The following EHD1 variants were observed in gnomAD, a reference collection of about 807,000 sequenced individuals.
The protein encoded by EHD1 is EH domain-containing protein 1.
A neutral mutation model predicts 39.0 loss-of-function variants in EHD1; 19 were observed. That is an observed-to-expected ratio of 0.49 (90% confidence interval 0.34 to 0.72). EHD1 has a LOEUF of 0.72. Among genes scored for constraint, EHD1 ranks in the 30% least tolerant of loss-of-function variants. The pLI, the probability that EHD1 is intolerant of heterozygous loss-of-function variation, is 0.01. For missense variants in EHD1, 542 were observed against 751.5 expected, an observed-to-expected ratio of 0.72 and a Z score of 3.26; for synonymous variants, 323 against 331.2, an observed-to-expected ratio of 0.98 and a Z score of 0.27.
In EHD1 at chr11:64,854,411, C is replaced by T. The variant is rs754018251; in HGVS notation, c.1527G>A (p.Lys509=). The change falls in exon 5 of 5, where the codon AAG becomes AAA. Residue 509 remains lysine (K), a synonymous_variant. Coordinates refer to ENST00000320631, the MANE Select transcript of EHD1 (RefSeq NM_006795.4). ...EEFALANHLI[K]VKLEGHELPA... ...GCAGCTCGTGGCCCTCCAGCTTGAC[C>T]TTGATGAGGTGGTTGGCCAGCGCGA... is the stretch of plus-strand genomic sequence containing the variant. 27 of 1,613,924 alleles carry T rather than the reference C, an allele frequency of 1.7e-5. No individual in the cohort carries two copies. Among genetic ancestry groups the T allele is most frequent in the Non-Finnish European group, 2.2e-5 (26 of 1,179,970 alleles).
At chr11:64,877,973 G>T in intron 1 of EHD1, 88 bp downstream of exon 1, 2 of 1,351,440 alleles carry the variant, frequency 1.5e-6, no homozygotes, top group Admixed American at 2.9e-5. Context: ...ACAAAGGACG[G>T]CGGGGCGACA....
At chr11:64,855,281 T>C in intron 4 of EHD1, 41 bp downstream of exon 4, 3 of 1,604,256 alleles carry the variant, frequency 1.9e-6, no homozygotes, top group Non-Finnish European at 2.6e-6. Context: ...CCTTCTGCCC[T>C]GATGGCCACC....
intron 2 of EHD1, among the ~76,000 whole-genome samples, chr11:64,870,023 G>A (rs1409805561): frequency 6.6e-6 from 1 of 152,208 alleles, no homozygotes; most frequent in South Asian, 2.1e-4. Flanking sequence ...GAGGGCAAAC[G>A]AGAGCCCAGG....
At chr11:64,878,631 C>G, upstream of EHD1, 1 of 1,408,722 alleles carries the variant, frequency 7.1e-7, no homozygotes, top group South Asian at 1.5e-5. Context: ...TGCTGCGCAC[C>G]CCTCGCGGAG....
Position 64,854,603 on chromosome 11 carries a change from C to T in EHD1, c.1335G>A (p.Lys445=). The T allele has an allele frequency of 6.2e-7, 1 of 1,614,018 alleles. No homozygotes were observed. Among genetic ancestry groups the T allele is most frequent in the Non-Finnish European group, 8.5e-7 (1 of 1,179,974 alleles). Reference sequence around the variant, plus strand: ...TGTAGAAGATCTCGTCGTAGGTGGGCTTGTCCTTGCCCACCACCCACTCCA... The same window carrying T: ...TGTAGAAGATCTCGTCGTAGGTGGGTTTGTCCTTGCCCACCACCCACTCCA... ...DDVEWVVGKD[K]PTYDEIFYTL... is the part of the protein sequence containing the mutation. The change falls in exon 5 of 5, where the codon AAG becomes AAA. Residue 445 remains lysine, a synonymous_variant. Transcript: ENST00000320631.
chr11:64,875,875 C>T (rs1042680178), intron 1 of EHD1, among the ~76,000 whole-genome samples: 2 of 152,240 alleles, frequency 1.3e-5, no homozygotes, highest in East Asian at 1.9e-4. Context: ...GGACAGGAGG[C>T]GCTGGAGAGA....
upstream of EHD1, chr11:64,878,697 G>C (rs1943919463): frequency 7.4e-7 from 1 of 1,355,126 alleles, no homozygotes; most frequent in Non-Finnish European, 9.4e-7. Flanking sequence ...GGCGGGGGCA[G>C]GGCGGAATTG....
Position 64,854,329 on chromosome 11 carries a change from G to A in EHD1, c.*4C>T, listed in dbSNP as rs749381158. The A allele has an allele frequency of 1.3e-5, 20 of 1,597,780 alleles. No individual in the cohort carries two copies. The highest frequency in any genetic ancestry group is 2.2e-5 in the East Asian group (1 of 44,566). Reference sequence around the variant, plus strand: ...GCAAATGGCAGGTGCGGGGCCGGGCGCCATCACTCATGTCTGCGCTTGGAG... The same window carrying A: ...GCAAATGGCAGGTGCGGGGCCGGGCACCATCACTCATGTCTGCGCTTGGAG... On this transcript the variant is annotated 3_prime_UTR_variant, in exon 5 of 5. Transcript: ENST00000320631.
chr11:64,866,040 AT>A (rs1409037402), intron 2 of EHD1, among the ~76,000 whole-genome samples: 2 of 152,240 alleles, frequency 1.3e-5, no homozygotes, highest in African/African-American at 2.4e-5. Context: ...TCATTCTGCC[AT>A]AAGGACACAT....
intron 4 of EHD1, chr11:64,855,095 T>C: frequency 2.3e-6 from 2 of 851,448 alleles, no homozygotes; most frequent in South Asian, 1.8e-5. Context: ...GCGCCTGGCA[T>C]GGCCCTGCCC....
chr11:64,858,768 G>A (rs566814479), intron 3 of EHD1, among the ~76,000 whole-genome samples: 55 of 152,280 alleles, frequency 3.6e-4, no homozygotes, highest in African/African-American at 1.2e-3. Flanking sequence ...ATTAACCTTT[G>A]TTTCCTGGCC....
At position 64,855,309 on chromosome 11, in the gene EHD1, G is replaced by C; in HGVS notation, c.1080+13C>G. The C allele has an allele frequency of 6.2e-7, 1 of 1,612,004 alleles. No homozygotes were observed. Among genetic ancestry groups the C allele is most frequent in the Non-Finnish European group, 8.5e-7 (1 of 1,179,320 alleles). On this transcript the variant is annotated intron_variant, in intron 4 of 4. Coordinates refer to ENST00000320631, the MANE Select transcript of EHD1 (RefSeq NM_006795.4). ...TGGCCACCAGCCTGCATGGGGCCTC[G>C]GGACAGCCGTACCTGCATCTTGCGG...
At chr11:64,876,030 G>C (rs772537844) in intron 1 of EHD1, among the ~76,000 whole-genome samples, 38 of 152,340 alleles carry the variant, frequency 2.5e-4, no homozygotes, top group South Asian at 1.0e-3. Flanking sequence ...GTATATGGCA[G>C]AAAACAAGAA....
At chr11:64,871,719 T>C (rs1170333389) in intron 2 of EHD1, among the ~76,000 whole-genome samples, 1 of 152,048 alleles carries the variant, frequency 6.6e-6, no homozygotes, top group Non-Finnish European at 1.5e-5. Flanking sequence ...TGACCTTCTG[T>C]GGATATAGGG....
chr11:64,874,433 G>A lies in EHD1; in HGVS notation c.490C>T (p.Arg164Trp), dbSNP rs745749443. The A allele has an allele frequency of 1.8e-4, 295 of 1,602,140 alleles. No homozygotes were observed. Among genetic ancestry groups the A allele is most frequent in the Non-Finnish European group, 2.5e-4 (288 of 1,174,740 alleles). The change falls in exon 2 of 5, where the codon CGG becomes TGG. Residue 164 changes from arginine (R) to tryptophan (W), a missense_variant. Physicochemically the swap from Arg to Trp is moderately radical, Grantham distance 101. Transcript: ENST00000320631. Reference sequence around the variant, plus strand: ...CACAGCTGTTTACCTCTGCTGATCCGCTGCTTCTCTCCAGACAGGATCCCG... The same window carrying A: ...CACAGCTGTTTACCTCTGCTGATCCACTGCTTCTCTCCAGACAGGATCCCG... ...TPGILSGEKQ[R>W]ISRGYDFAAV...
In EHD1 at chr11:64,854,513, C is replaced by T. The variant is rs556269920; in HGVS notation, c.1425G>A (p.Lys475=). The part of the protein sequence containing the change: ...ANAKKEMVKS[K]LPNTVLGKIW... Reference sequence around the variant, plus strand: ...TCTTCCCTAGCACGGTGTTGGGGAGCTTGGACTTCACCATCTCCTTCTTGG... The same window carrying T: ...TCTTCCCTAGCACGGTGTTGGGGAGTTTGGACTTCACCATCTCCTTCTTGG... Residue 475 remains lysine (K), a synonymous_variant, in exon 5 of 5, where the codon AAG becomes AAA. Transcript: ENST00000320631. 9 of 1,614,144 alleles carry T rather than the reference C, an allele frequency of 5.6e-6. No homozygotes were observed. In the East Asian group the frequency reaches 1.6e-4, roughly 28 times the overall value.
intron 2 of EHD1, among the ~76,000 whole-genome samples, chr11:64,864,780 C>T (rs915324761): frequency 2.0e-5 from 3 of 152,230 alleles, no homozygotes; most frequent in African/African-American, 7.2e-5. Context: ...AATGAGGGCG[C>T]CCTGATGGGC....
At chr11:64,859,755 C>G in intron 3 of EHD1, 169 bp downstream of exon 3, 1 of 954,666 alleles carries the variant, frequency 1.0e-6, no homozygotes, top group Non-Finnish European at 1.5e-6. Flanking sequence ...GCAGGCTGCA[C>G]GCGGGTGCTG....
At chr11:64,857,473 C>T (rs1943665780) in intron 3 of EHD1, among the ~76,000 whole-genome samples, 1 of 152,116 alleles carries the variant, frequency 6.6e-6, no homozygotes, top group Non-Finnish European at 1.5e-5. Context: ...GAAAAACACG[C>T]AGCCCTCTGT....
Sources: allele counts gnomAD v4.1 joint callset (sites outside exome capture counted in the v4.1 genomes callset), GRCh38; gene constraint gnomAD v4.1.1; transcripts MANE v1.5; gene names NCBI Gene and HGNC (gene_info 2026-07-23, HGNC 2026-07-21).